Variants in RASGEF1C observed in about 807,000 individuals in gnomAD.
The protein encoded by RASGEF1C is RasGEF domain family member 1C, also known as ras-GEF domain-containing family member 1C.
RASGEF1C carries 27 observed loss-of-function variants against 58.1 expected under a neutral mutation model. The observed-to-expected ratio is 0.46, with a 90% CI of 0.34 to 0.64. RASGEF1C has a LOEUF of 0.64. Ranked by LOEUF, RASGEF1C falls within the 30% of genes least tolerant of loss-of-function variation. RASGEF1C has a pLI of 0.01. For synonymous variants in RASGEF1C, 243 were observed against 246.3 expected (o/e 0.99, Z 0.13); for missense variants, 502 against 605.1 (o/e 0.83, Z 1.79).
At chr5:180,181,372 A>C (rs1254864280) in intron 1 of RASGEF1C, among the ~76,000 whole-genome samples, 1 of 152,362 alleles carries the variant, frequency 6.6e-6, no homozygotes, top group Admixed American at 6.5e-5. Context: ...AGTCCCTCCT[A>C]AACAGATGAC....
chr5:180,161,375 G>A (rs1474886204), intron 1 of RASGEF1C, among the ~76,000 whole-genome samples: 2 of 152,274 alleles, frequency 1.3e-5, no homozygotes, highest in African/African-American at 4.8e-5. Flanking sequence ...CTGGAAAGCG[G>A]AGGTGGCAAG....
chr5:180,169,558 G>A (rs1337723045), intron 1 of RASGEF1C, among the ~76,000 whole-genome samples: 2 of 150,158 alleles, frequency 1.3e-5, no homozygotes, highest in African/African-American at 4.9e-5. Flanking sequence ...GGAGAGGGCT[G>A]CTGGTCAGCT....
Position 180,200,327 on chromosome 5 carries a change from T to TTTTTTTA in RASGEF1C, c.-7+8700_-7+8701insTAAAAAA, listed in dbSNP as rs1756363946. On this transcript the variant is annotated intron_variant, in intron 1 of 13. Coordinates refer to ENST00000361132, the MANE Select transcript of RASGEF1C (RefSeq NM_175062.4). ...ACATCATTCTTTTTTTTTTTTTTTT[T>TTTTTTTA]GAGATAGAGTCCTGCTCTGTCGCCC... Among the ~76,000 whole-genome samples the TTTTTTTA allele has an allele frequency of 4.6e-5, 6 of 129,690 alleles. 1 individual carries two copies. The highest frequency in any genetic ancestry group is 6.8e-5 in the Non-Finnish European group (4 of 59,258). The allele number at this position is 129,690 out of a possible 152,430, so 85.1% of individuals were successfully genotyped here. A position where few individuals can be genotyped will look rare whatever the true frequency, so the allele number is the denominator to read the frequency against.
rs6880215 is a variant in RASGEF1C at position 180,168,648 on chromosome 5, G to A, written c.-6-30590C>T. Among the ~76,000 whole-genome samples, 45,388 of 151,982 alleles carry A rather than the reference G, an allele frequency of 0.3. 7,285 individuals carry two copies. Among genetic ancestry groups the A allele is most frequent in the East Asian group, 0.56 (2,878 of 5,156 alleles). ...GGGGTCAGAGAGTGAAAGAGAAGCC[G>A]GGAGTTCATCTTCCTTGAGGCAACA... On this transcript the variant is annotated intron_variant, in intron 1 of 13. Coordinates refer to ENST00000361132, the MANE Select transcript of RASGEF1C (RefSeq NM_175062.4). This position sits in a 1 kb window ranked among gnomAD's most constrained non-coding sequence, Gnocchi z 6.0.
At chr5:180,132,009 C>T (rs1766377639) in intron 4 of RASGEF1C, among the ~76,000 whole-genome samples, 1 of 152,230 alleles carries the variant, frequency 6.6e-6, no homozygotes, top group Non-Finnish European at 1.5e-5. Flanking sequence ...CTCTCATTTT[C>T]TCACTGATTT....
chr5:180,200,924 A>G (rs1756384098), intron 1 of RASGEF1C, among the ~76,000 whole-genome samples: 1 of 152,062 alleles, frequency 6.6e-6, no homozygotes, highest in South Asian at 2.1e-4. Flanking sequence ...GCTGGGACCA[A>G]GAACTATGAA....
Position 180,107,045 on chromosome 5 carries a change from T to C in RASGEF1C, c.1303+4412A>G, listed in dbSNP as rs535499585. ...TCTTTGTTTCTGGTAATTTTCTTTC[T>C]CCTAAAGTGTGCTTTATCTGAAATT... On this transcript the variant is annotated intron_variant, in intron 12 of 13. Transcript: ENST00000361132. Among the ~76,000 whole-genome samples, 16 of 152,348 alleles carry C rather than the reference T, an allele frequency of 1.1e-4. No homozygotes were observed. The South Asian group carries it at 3.3e-3, about 32-fold the overall frequency.
chr5:180,172,471 G>A (rs1490938074), intron 1 of RASGEF1C, among the ~76,000 whole-genome samples: 2 of 152,164 alleles, frequency 1.3e-5, no homozygotes, highest in African/African-American at 4.8e-5. Flanking sequence ...AGGGGCAGAG[G>A]GACAGGGGGC....
chr5:180,131,698 G>A (rs999545638), intron 4 of RASGEF1C, among the ~76,000 whole-genome samples: 16 of 152,220 alleles, frequency 1.1e-4, no homozygotes, highest in Admixed American at 3.3e-4. Flanking sequence ...ACAGTCAGAC[G>A]CTCTCTCCAG....
chr5:180,204,615 C>CAT (rs1319814090), intron 1 of RASGEF1C, among the ~76,000 whole-genome samples: 17 of 119,172 alleles, frequency 1.4e-4, no homozygotes, highest in African/African-American at 5.2e-4. Context: ...AATGGATATT[C>CAT]CTCTATCTAT....
At position 180,198,849 on chromosome 5, in the gene RASGEF1C, G is replaced by C. The variant is rs991401931; in HGVS notation, c.-7+10179C>G. On this transcript the variant is annotated intron_variant, in intron 1 of 13. Transcript: ENST00000361132. The surrounding 1 kb of genome is among the most constrained non-coding windows in gnomAD (Gnocchi z 4.5). ...AGGGGGTCCTGCATGAAATGAGCCT[G>C]GCAAGGACCTTTGCCAAGAGTAGGA... Among the ~76,000 whole-genome samples the C allele has an allele frequency of 6.6e-6, 1 of 152,110 alleles. No individual in the cohort carries two copies. The highest frequency in any genetic ancestry group is 2.4e-5 in the African/African-American group (1 of 41,406).
chr5:180,110,251 C>T (rs1018408230), intron 12 of RASGEF1C, among the ~76,000 whole-genome samples: 14 of 152,222 alleles, frequency 9.2e-5, no homozygotes, highest in African/African-American at 2.2e-4. Context: ...ATCAGCTGCT[C>T]GGCTTCTTAG....
chr5:180,103,235 G>A lies in RASGEF1C; in HGVS notation c.1304-1092C>T, dbSNP rs928258749. 5.3e-5 allele frequency among the ~76,000 whole-genome samples: 8 copies of A among 152,180 alleles called. No individual in the cohort carries two copies. In the South Asian group the frequency reaches 6.2e-4, roughly 12 times the overall value. ...TGGGACTACAGGTACCCACCACCAC[G>A]CCCGGCTAATGTTTTGTATTTTTAG... On this transcript the variant is annotated intron_variant, in intron 12 of 13. Transcript: ENST00000361132.
chr5:180,132,466 T>C (rs1378116030), intron 4 of RASGEF1C, among the ~76,000 whole-genome samples: 1 of 152,154 alleles, frequency 6.6e-6, no homozygotes, highest in African/African-American at 2.4e-5. Context: ...TCTAGGAGAC[T>C]CCCTCCTGAG....
chr5:180,204,890 A>T (rs62406978), intron 1 of RASGEF1C, among the ~76,000 whole-genome samples: 38,642 of 152,180 alleles, frequency 0.25, 6,017 homozygotes, highest in Non-Finnish European at 0.35. Context: ...AACAGAATCA[A>T]AGATATGACT....
At chr5:180,175,811 AC>A (rs1468735388) in intron 1 of RASGEF1C, among the ~76,000 whole-genome samples, 1 of 152,056 alleles carries the variant, frequency 6.6e-6, no homozygotes, top group Non-Finnish European at 1.5e-5. Context: ...ATCCTGGCTA[AC>A]CCCGTCTCTA....
intron 1 of RASGEF1C, among the ~76,000 whole-genome samples, chr5:180,153,307 C>T (rs1160726289): frequency 1.3e-5 from 2 of 152,166 alleles, no homozygotes; most frequent in African/African-American, 2.4e-5. Flanking sequence ...ACCCTGGCTC[C>T]CACAGGCTGT....
At chr5:180,126,139 A>G (rs1021290845) in intron 6 of RASGEF1C, among the ~76,000 whole-genome samples, 33 of 152,158 alleles carry the variant, frequency 2.2e-4, no homozygotes, top group South Asian at 1.2e-3. Flanking sequence ...CGGGCGCGGT[A>G]GCTCACGCCT....
intron 1 of RASGEF1C, among the ~76,000 whole-genome samples, chr5:180,192,172 C>T (rs1581128883): frequency 1.3e-5 from 2 of 152,222 alleles, no homozygotes; most frequent in African/African-American, 2.4e-5. Context: ...GACTAGTGAC[C>T]TTGATCACAC....
Sources: gnomAD v4.1 joint callset for allele counts (sites outside exome capture counted in the v4.1 genomes callset) on GRCh38, gnomAD v4.1.1 for gene constraint, Gnocchi (gnomAD v3.1) non-coding constraint, MANE v1.5 for transcripts, NCBI Gene and HGNC (gene_info 2026-07-23, HGNC 2026-07-21) for gene names.